CEP83: variants seen among roughly 807,000 people sequenced by gnomAD.
The protein encoded by CEP83 is centrosomal protein of 83 kDa.
A neutral mutation model predicts 101.9 loss-of-function variants in CEP83; 70 were observed. That is an observed-to-expected ratio of 0.69 (90% CI 0.57 to 0.84). CEP83 has a LOEUF of 0.84. Among genes scored for constraint, CEP83 ranks in the 40% least tolerant of loss-of-function variants. CEP83 has a pLI of 0.00. For missense variants in CEP83, 715 were observed against 787.2 expected (o/e 0.91, Z 1.10); for synonymous variants, 264 against 267.9 (o/e 0.99, Z 0.14).
chr12:94,275,381 G>A, the CEP83 span, among the ~76,000 whole-genome samples: 1 of 152,210 alleles, frequency 6.6e-6, no homozygotes, highest in Non-Finnish European at 1.5e-5. Context: ...CTTCCATCGA[G>A]GTGTCTCCCC....
intron 11 of CEP83, among the ~76,000 whole-genome samples, chr12:94,358,315 C>T (rs1278546212): frequency 4.0e-5 from 6 of 151,896 alleles, no homozygotes; most frequent in Admixed American, 3.3e-4. Context: ...ATATACAATG[C>T]ATGAAATGAG....
At chr12:94,347,004 C>T (rs1300900612) in intron 11 of CEP83, among the ~76,000 whole-genome samples, 2 of 151,050 alleles carry the variant, frequency 1.3e-5, no homozygotes, top group Non-Finnish European at 2.9e-5. Context: ...CACCACGGCA[C>T]TCCAGCCTGG....
At chr12:94,307,650 A>AAAAT (rs1257659442), downstream of CEP83, 1 of 151,282 alleles carries the variant, frequency 6.6e-6, no homozygotes. Context: ...CTATATCCAA[A>AAAAT]AAATAAACAT....
chr12:94,292,315 G>T, the CEP83 span, among the ~76,000 whole-genome samples: 1 of 152,132 alleles, frequency 6.6e-6, no homozygotes, highest in East Asian at 1.9e-4. Flanking sequence ...TCTCGGAAGG[G>T]ACAATGGGAG....
In CEP83 at chr12:94,449,779, T is replaced by TAAAA. The variant is rs71071787; in HGVS notation, c.-155+9774_-155+9777dup. 2.0e-3 allele frequency among the ~76,000 whole-genome samples: 96 copies of TAAAA among 48,570 alleles called. 5 individuals carry two copies. Among genetic ancestry groups the TAAAA allele is most frequent in the African/African-American group, 8.2e-3 (75 of 9,176 alleles). The allele number at this position is 48,570 out of a possible 152,430, so 31.9% of individuals were successfully genotyped here. A position where few individuals can be genotyped will look rare whatever the true frequency, so the allele number is the denominator to read the frequency against. On this transcript the variant is annotated intron_variant, in intron 1 of 16. Coordinates refer to ENST00000397809, the MANE Select transcript of CEP83 (RefSeq NM_016122.3). ...CAGAGCAAGAGTCTGTCTCAAACAA[T>TAAAA]AAAAAAAAAAAAAAAAAAAAAAAAA...
chr12:94,314,027 T>A (rs187381515), intron 14 of CEP83, among the ~76,000 whole-genome samples: 3 of 152,234 alleles, frequency 2.0e-5, no homozygotes, highest in Non-Finnish European at 2.9e-5. Flanking sequence ...AAGGGAGAAA[T>A]TCCTAAGTAA....
intron 2 of CEP83, among the ~76,000 whole-genome samples, chr12:94,428,692 T>C (rs1412577176): frequency 2.0e-5 from 3 of 152,194 alleles, no homozygotes; most frequent in East Asian, 3.8e-4. Context: ...AGGTTAATGT[T>C]AAAACCATAT....
At position 94,379,039 on chromosome 12, in the gene CEP83, C is replaced by T. The variant is rs756664764; in HGVS notation, c.553G>A (p.Ala185Thr). The change falls in exon 7 of 17, where the codon GCA (alanine) becomes ACA (threonine). Residue 185 changes from alanine (A) to threonine (T), a missense_variant. Physicochemically the swap from Ala to Thr is moderately conservative, Grantham distance 58. Coordinates refer to ENST00000397809, the MANE Select transcript of CEP83 (RefSeq NM_016122.3). Reference protein sequence around the residue: ...EGKIKYESEIARLEEDKEELR... With the variant: ...EGKIKYESEITRLEEDKEELR... ...TCTTCTTTATCTTCCTCCAGTCTTG[C>T]AATCTAATAATAATTTTAAAGAAAG... 1.9e-6 allele frequency: 3 copies of T among 1,596,652 alleles called. No individual in the cohort carries two copies. The highest frequency in any genetic ancestry group is 2.6e-6 in the Non-Finnish European group (3 of 1,169,214).
intron 1 of CEP83, among the ~76,000 whole-genome samples, chr12:94,442,781 A>C (rs1157075894): frequency 6.6e-6 from 1 of 152,168 alleles, no homozygotes; most frequent in Admixed American, 6.5e-5. Context: ...TAAAAAAGTC[A>C]GTTACCACTA....
intron 3 of CEP83, 48 bp downstream of exon 3, chr12:94,412,270 C>A: frequency 1.4e-6 from 2 of 1,452,984 alleles, no homozygotes; most frequent in Non-Finnish European, 1.9e-6. Flanking sequence ...AAGATAATGC[C>A]AATAACTTTT....
chr12:94,445,272 T>TACACACACAC (rs3069395), intron 1 of CEP83, among the ~76,000 whole-genome samples: 32 of 150,210 alleles, frequency 2.1e-4, no homozygotes, highest in Admixed American at 4.0e-4. Flanking sequence ...GCCTTTTCCA[T>TACACACACAC]ACACACACAC....
chr12:94,424,076 G>A, intron 2 of CEP83: 1 of 1,611,032 alleles, frequency 6.2e-7, no homozygotes, highest in Admixed American at 1.7e-5. Context: ...TACTTGTAGA[G>A]GAGATGTCTG....
chr12:94,327,445 T>C (rs2059018778), intron 14 of CEP83, among the ~76,000 whole-genome samples: 1 of 152,250 alleles, frequency 6.6e-6, no homozygotes, highest in Non-Finnish European at 1.5e-5. Flanking sequence ...TGCAAAATCC[T>C]GAGTTTCTAA....
Position 94,368,132 on chromosome 12 carries a change from T to A in CEP83, c.1118A>T (p.Asp373Val), listed in dbSNP as rs200971081. Residue 373 changes from aspartate (D) to valine (V), a missense_variant, in exon 10 of 17, where the codon GAT becomes GTT. Transcript: ENST00000397809. Reference protein sequence around the residue: ...EHHKVLLVEKDRELIRKVQAA... With the variant: ...EHHKVLLVEKVRELIRKVQAA... ...TTGTACTTTACGTATTAATTCACGA[T>A]CCTTTTCTACTAAGAGCACTTTGTG... is the stretch of plus-strand genomic sequence containing the variant. 349 of 1,612,950 alleles carry A rather than the reference T, an allele frequency of 2.2e-4. No individual in the cohort carries two copies. The highest frequency in any genetic ancestry group is 2.7e-4 in the Non-Finnish European group (319 of 1,179,286).
intron 8 of CEP83, among the ~76,000 whole-genome samples, chr12:94,375,208 G>A (rs368941195): frequency 2.6e-5 from 4 of 152,296 alleles, no homozygotes; most frequent in African/African-American, 7.2e-5. Context: ...TAAGAGCTAT[G>A]AAGCAGGTAA....
chr12:94,342,098 T>TC (rs2059711719), intron 11 of CEP83, among the ~76,000 whole-genome samples: 1 of 152,198 alleles, frequency 6.6e-6, no homozygotes, highest in African/African-American at 2.4e-5. Flanking sequence ...TATTACAGAT[T>TC]CATGCTTTTA....
At position 94,416,204 on chromosome 12, in the gene CEP83, G is replaced by A. The variant is rs578115716; in HGVS notation, c.-101-3613C>T. ...ATGGAATAAAGGTTTCTACTTTGAG[G>A]AAGATGGAACAGATATACATTTTCC... is the stretch of plus-strand genomic sequence containing the variant. On this transcript the variant is annotated intron_variant, in intron 2 of 16. Coordinates refer to ENST00000397809, the MANE Select transcript of CEP83 (RefSeq NM_016122.3). 1.2e-4 allele frequency among the ~76,000 whole-genome samples: 19 copies of A among 152,218 alleles called. No individual in the cohort carries two copies. The East Asian group carries it at 3.7e-3, about 29-fold the overall frequency.
chr12:94,432,840 C>T (rs931322444), intron 2 of CEP83, among the ~76,000 whole-genome samples: 2 of 152,158 alleles, frequency 1.3e-5, no homozygotes, highest in Non-Finnish European at 2.9e-5. Context: ...AACAAATACA[C>T]ATGTACCTCA....
At chr12:94,411,964 A>T (rs767096908) in intron 3 of CEP83, 117 bp from the exon 4 acceptor site, 48 of 775,832 alleles carry the variant, frequency 6.2e-5, no homozygotes, top group Middle Eastern at 3.6e-4. Context: ...ACATTCCTTT[A>T]AACCCACAAG....
Sources: gnomAD v4.1 joint callset for allele counts (sites outside exome capture counted in the v4.1 genomes callset) on GRCh38, gnomAD v4.1.1 for gene constraint, MANE v1.5 for transcripts, NCBI Gene and HGNC (gene_info 2026-07-23, HGNC 2026-07-21) for gene names.